Variants in RIPOR3 observed in about 807,000 individuals in gnomAD.
RIPOR3 encodes the protein RIPOR family member 3.
In RIPOR3, 95 loss-of-function variants were observed where a neutral mutation model predicts 114.3. The observed-to-expected ratio is 0.83, with a 90% CI of 0.70 to 0.99. RIPOR3 has a LOEUF of 0.99. RIPOR3 is among the 50% of genes least tolerant of loss of function. The pLI, the probability that RIPOR3 is intolerant of heterozygous loss-of-function variation, is 0.00. For synonymous variants in RIPOR3, 575 were observed against 543.8 expected (o/e 1.06, Z -0.80); for missense variants, 1,252 against 1,266.9 (o/e 0.99, Z 0.18).
At chr20:50,655,951 A>G (rs886161467) in intron 1 of RIPOR3, among the ~76,000 whole-genome samples, 2 of 152,114 alleles carry the variant, frequency 1.3e-5, no homozygotes, top group African/African-American at 4.8e-5. Flanking sequence ...AGAAGAAAGT[A>G]AAAATCACTC....
At chr20:50,666,225 T>TTTTCTTTTCTTTTCTTTTCTTTTC (rs2086231459) in intron 1 of RIPOR3, among the ~76,000 whole-genome samples, 1 of 137,254 alleles carries the variant, frequency 7.3e-6, no homozygotes, top group Non-Finnish European at 1.5e-5. Flanking sequence ...TTCTTTTCTT[T>TTTTCTTTTCTTTTCTTTTCTTTTC]TTTGAGACGG....
chr20:50,608,074 C>T (rs185809667), intron 11 of RIPOR3, among the ~76,000 whole-genome samples: 478 of 152,158 alleles, frequency 3.1e-3, no homozygotes, highest in Middle Eastern at 6.8e-3. Context: ...GGAGGGCCTT[C>T]CTGGAGAGGT....
intron 1 of RIPOR3, among the ~76,000 whole-genome samples, chr20:50,662,727 C>CTG (rs2086038948): frequency 2.6e-5 from 4 of 152,312 alleles, no homozygotes; most frequent in South Asian, 2.1e-4. Flanking sequence ...CACTCTCTGG[C>CTG]TGGTGACACG....
At chr20:50,604,122 T>C (rs923803276) in intron 12 of RIPOR3, among the ~76,000 whole-genome samples, 3 of 150,710 alleles carry the variant, frequency 2.0e-5, no homozygotes, top group African/African-American at 7.3e-5. Flanking sequence ...GAGGTGGAGG[T>C]TGCAGTGAGC....
chr20:50,630,811 T>C lies in RIPOR3; in HGVS notation c.49A>G (p.Thr17Ala), dbSNP rs148960994. Residue 17 changes from threonine (T) to alanine (A), a missense_variant, in exon 2 of 22, where the codon ACA becomes GCA. Physicochemically the swap from Thr to Ala is moderately conservative, Grantham distance 58. Coordinates refer to ENST00000327979, the MANE Select transcript of RIPOR3 (RefSeq NM_001290268.2). ...VRLRFLSPGD[T>A]GAVGVVGRSA... is the part of the protein sequence containing the mutation. ...CGGCCCACGACCCCCACGGCCCCTG[T>C]GTCCCCAGGGGACAGGAACCGCAAC... The C allele has an allele frequency of 6.2e-6, 10 of 1,611,500 alleles. No homozygotes were observed. The highest frequency in any genetic ancestry group is 8.5e-6 in the Non-Finnish European group (10 of 1,179,318).
intron 13 of RIPOR3, among the ~76,000 whole-genome samples, chr20:50,599,343 G>T (rs796367897): frequency 5.3e-5 from 8 of 151,918 alleles, no homozygotes; most frequent in African/African-American, 1.9e-4. Context: ...AGTAAGCTGA[G>T]ATCGTGCCAC....
At chr20:50,622,914 G>A (rs898626550) in intron 2 of RIPOR3, among the ~76,000 whole-genome samples, 1 of 152,160 alleles carries the variant, frequency 6.6e-6, no homozygotes, top group African/African-American at 2.4e-5. Context: ...CATGCAAGCT[G>A]TTGTTAGAAT....
intron 1 of RIPOR3, among the ~76,000 whole-genome samples, chr20:50,671,784 A>T (rs1341063642): frequency 1.3e-5 from 2 of 149,626 alleles, no homozygotes; most frequent in Non-Finnish European, 1.5e-5. Flanking sequence ...GGGTGGGCGA[A>T]GGGATGGATG....
chr20:50,641,542 T>G (rs1426271187), intron 1 of RIPOR3, among the ~76,000 whole-genome samples: 2 of 152,160 alleles, frequency 1.3e-5, no homozygotes, highest in African/African-American at 2.4e-5. Flanking sequence ...GCCCCACACC[T>G]GGTCCTATTT....
chr20:50,629,447 G>C (rs185511727), intron 2 of RIPOR3, among the ~76,000 whole-genome samples: 35 of 152,294 alleles, frequency 2.3e-4, no homozygotes, highest in Non-Finnish European at 4.1e-4. Context: ...GCCCTGGAGC[G>C]AGGGGGCAGC....
chr20:50,618,591 C>T (rs2084273806), intron 3 of RIPOR3, among the ~76,000 whole-genome samples: 1 of 152,192 alleles, frequency 6.6e-6, no homozygotes, highest in East Asian at 1.9e-4. Context: ...ATGAACCCTC[C>T]CTGCCTCTGC....
At chr20:50,595,998 G>A (rs1402661054) in intron 15 of RIPOR3, 142 bp downstream of exon 15, 3 of 1,217,868 alleles carry the variant, frequency 2.5e-6, no homozygotes, top group Non-Finnish European at 3.4e-6. Flanking sequence ...TCTTCCACTG[G>A]GGAATAGCTT....
intron 4 of RIPOR3, among the ~76,000 whole-genome samples, chr20:50,613,685 C>T (rs1408855659): frequency 6.6e-6 from 1 of 152,172 alleles, no homozygotes; most frequent in Non-Finnish European, 1.5e-5. Flanking sequence ...GCAGCTAAAA[C>T]ATACAAGTAT....
chr20:50,641,005 G>A (rs556012223), intron 1 of RIPOR3, among the ~76,000 whole-genome samples: 1 of 151,732 alleles, frequency 6.6e-6, no homozygotes, highest in Non-Finnish European at 1.5e-5. Context: ...TGCCTCCTGG[G>A]TTCAAGCAAT....
intron 21 of RIPOR3, among the ~76,000 whole-genome samples, chr20:50,587,569 C>G (rs566180481): frequency 1.6e-3 from 250 of 152,284 alleles, no homozygotes; most frequent in Middle Eastern, 3.4e-3. Flanking sequence ...TGGCTTCTAT[C>G]CCAAAGGTCT....
chr20:50,615,936 G>T, intron 4 of RIPOR3, 66 bp downstream of exon 4: 2 of 1,448,354 alleles, frequency 1.4e-6, no homozygotes, highest in Non-Finnish European at 1.9e-6. Context: ...TAGAAGGAAC[G>T]CAGGGTTCAT....
intron 1 of RIPOR3, among the ~76,000 whole-genome samples, chr20:50,640,151 A>C (rs1170326887): frequency 6.6e-6 from 1 of 152,214 alleles, no homozygotes; most frequent in African/African-American, 2.4e-5. Flanking sequence ...CTGGCAGACC[A>C]CACAGCCTGA....
chr20:50,690,656 C>G (rs1009625610), intron 1 of RIPOR3, among the ~76,000 whole-genome samples: 4 of 152,126 alleles, frequency 2.6e-5, no homozygotes, highest in African/African-American at 9.7e-5. Flanking sequence ...AAACCTAGGT[C>G]TTTTTTCGTT....
At chr20:50,596,618 G>A (rs749432248) in intron 14 of RIPOR3, among the ~76,000 whole-genome samples, 7 of 152,204 alleles carry the variant, frequency 4.6e-5, no homozygotes, top group Non-Finnish European at 8.8e-5. Flanking sequence ...ACTCAAGGCC[G>A]TGAGGGGTGC....
Sources: allele counts gnomAD v4.1 joint callset (sites outside exome capture counted in the v4.1 genomes callset), GRCh38; gene constraint gnomAD v4.1.1; transcripts MANE v1.5; gene names NCBI Gene and HGNC (gene_info 2026-07-23, HGNC 2026-07-21).